The following DSE variants were observed in gnomAD, a reference collection of about 807,000 sequenced individuals.
DSE encodes dermatan sulfate epimerase, also known as dermatan-sulfate epimerase.
A neutral mutation model predicts 84.4 loss-of-function variants in DSE; 36 were observed. The ratio of observed to expected loss-of-function variants is 0.43; its 90% CI spans 0.33 to 0.56. The LOEUF (loss-of-function observed/expected upper bound fraction) is 0.56. Among genes scored for constraint, DSE ranks in the 20% least tolerant of loss-of-function variants. DSE has a pLI of 0.06. For synonymous variants in DSE, 410 were observed against 430.1 expected (o/e 0.95, Z 0.58); for missense variants, 862 against 1,169.6 (o/e 0.74, Z 3.84).
At chr6:116,396,943 A>G (rs1408955651) in intron 1 of DSE, among the ~76,000 whole-genome samples, 1 of 152,158 alleles carries the variant, frequency 6.6e-6, no homozygotes, top group Non-Finnish European at 1.5e-5. Context: ...GTTTCCATGT[A>G]TTAATGCCTT....
At chr6:116,324,613 T>C (rs1410313993) in intron 2 of DSE, among the ~76,000 whole-genome samples, 2 of 152,310 alleles carry the variant, frequency 1.3e-5, no homozygotes, top group East Asian at 1.9e-4. Flanking sequence ...CAGGGGTATA[T>C]GTAAAATACA....
intron 2 of DSE, among the ~76,000 whole-genome samples, chr6:116,296,062 A>G (rs950080880): frequency 6.6e-6 from 1 of 152,168 alleles, no homozygotes. Flanking sequence ...GACATTCTAC[A>G]TACTGGGGAT....
chr6:116,317,639 T>G (rs184841261), intron 2 of DSE, among the ~76,000 whole-genome samples: 1 of 152,230 alleles, frequency 6.6e-6, no homozygotes, highest in African/African-American at 2.4e-5. Context: ...CATGTATATG[T>G]ACATACAAAT....
intron 1 of DSE, chr6:116,254,972 C>A (rs1772086808): frequency 6.6e-6 from 1 of 152,188 alleles, no homozygotes; most frequent in African/African-American, 2.4e-5. Flanking sequence ...GTGCAGGCAT[C>A]TATGCTACTG....
chr6:116,350,253 A>G (rs1301707948), intron 2 of DSE, among the ~76,000 whole-genome samples: 1 of 152,202 alleles, frequency 6.6e-6, no homozygotes, highest in Non-Finnish European at 1.5e-5. Context: ...CCAAGATGGT[A>G]TGGTTGAGGA....
At chr6:116,305,022 A>G (rs1775259944) in intron 2 of DSE, among the ~76,000 whole-genome samples, 1 of 152,202 alleles carries the variant, frequency 6.6e-6, no homozygotes, top group Admixed American at 6.5e-5. Context: ...CTTAACATTC[A>G]AAATCAAAAC....
At chr6:116,373,468 T>C (rs1001439944) in intron 1 of DSE, among the ~76,000 whole-genome samples, 4 of 152,236 alleles carry the variant, frequency 2.6e-5, no homozygotes, top group African/African-American at 9.6e-5. Flanking sequence ...CTGTCCTTCC[T>C]GATCTTGGGG....
rs140252950 is a variant in DSE at position 116,260,224 on chromosome 6, T to C, written c.-54+1257T>C. Among the ~76,000 whole-genome samples the C allele has an allele frequency of 3.5e-3, 529 of 152,370 alleles. 2 individuals are homozygous for C. The highest frequency in any genetic ancestry group is 0.012 in the African/African-American group (501 of 41,590). The stretch of plus-strand genomic sequence containing the variant: ...CTCATTGTGGTTTTGTTTGCATTTC[T>C]CTAATAATCAGTGATGTTGAGCTTT... On this transcript the variant is annotated intron_variant, in intron 2 of 3. Coordinates refer to the DSE transcript ENST00000430252.
At chr6:116,328,264 T>G (rs1776742908) in intron 2 of DSE, among the ~76,000 whole-genome samples, 1 of 152,248 alleles carries the variant, frequency 6.6e-6, no homozygotes, top group Non-Finnish European at 1.5e-5. Flanking sequence ...TTTTTCCAGT[T>G]ATTTCACTTA....
chr6:116,363,654 T>C (rs933143679), intron 2 of DSE, among the ~76,000 whole-genome samples: 1 of 152,190 alleles, frequency 6.6e-6, no homozygotes, highest in African/African-American at 2.4e-5. Context: ...AGTTAGATAG[T>C]GATTTTACAT....
chr6:116,425,211 A>G (rs1766975589), intron 2 of DSE, among the ~76,000 whole-genome samples: 1 of 152,256 alleles, frequency 6.6e-6, no homozygotes, highest in Non-Finnish European at 1.5e-5. Context: ...ATTGATAATT[A>G]TATTTCAAAA....
intron 3 of DSE, among the ~76,000 whole-genome samples, chr6:116,427,047 G>A (rs1354353461): frequency 6.6e-6 from 1 of 152,088 alleles, no homozygotes; most frequent in Non-Finnish European, 1.5e-5. Flanking sequence ...ATCTAATTAT[G>A]GCTTATGATG....
intron 2 of DSE, among the ~76,000 whole-genome samples, chr6:116,421,623 C>T (rs556115262): frequency 6.2e-4 from 94 of 151,006 alleles, no homozygotes; most frequent in Non-Finnish European, 1.2e-3. Flanking sequence ...AGGTGCATGC[C>T]ACCAGGCCCA....
chr6:116,259,819 C>T (rs1317755757), intron 2 of DSE, among the ~76,000 whole-genome samples: 3 of 152,220 alleles, frequency 2.0e-5, no homozygotes, highest in Non-Finnish European at 4.4e-5. Flanking sequence ...AGGACATGAT[C>T]TCATTCTTTT....
At chr6:116,301,187 GAGAT>G (rs975960081) in intron 2 of DSE, among the ~76,000 whole-genome samples, 29 of 151,932 alleles carry the variant, frequency 1.9e-4, no homozygotes, top group Admixed American at 1.6e-3. Flanking sequence ...GAGAGAGAGA[GAGAT>G]CCAGAGAGCA....
chr6:116,327,546 G>T (rs947732253), intron 2 of DSE, among the ~76,000 whole-genome samples: 1 of 152,194 alleles, frequency 6.6e-6, no homozygotes, highest in African/African-American at 2.4e-5. Context: ...TTGGGCAAAT[G>T]ATATGCTGAA....
At chr6:116,331,509 G>A (rs757630302) in intron 2 of DSE, among the ~76,000 whole-genome samples, 2 of 152,070 alleles carry the variant, frequency 1.3e-5, no homozygotes, top group African/African-American at 4.8e-5. Flanking sequence ...CACCTCCCAC[G>A]AGGTAACCCC....
In DSE at chr6:116,431,116, G is replaced by A. The variant is rs1783808360; in HGVS notation, c.833G>A (p.Arg278Lys). ...TTCCAATACATGTTTCTCGTCCAGA[G>A]GCACTTCAACATCAACCACTTTGGC... ...SLFQYMFLVQ[R>K]HFNINHFGHP... Residue 278 changes from arginine to lysine, a missense_variant, in exon 4 of 6, where the codon AGG (arginine) becomes AAG (lysine). Arg to Lys is a conservative substitution (Grantham distance 26, BLOSUM62 2). Transcript: ENST00000644252. 13 of 1,614,192 alleles carry A rather than the reference G, an allele frequency of 8.1e-6. No homozygotes were observed. The highest frequency in any genetic ancestry group is 1.1e-5 in the Non-Finnish European group (13 of 1,180,030).
intron 1 of DSE, among the ~76,000 whole-genome samples, chr6:116,384,520 C>T (rs1425559654): frequency 2.0e-5 from 3 of 152,094 alleles, no homozygotes; most frequent in East Asian, 1.9e-4. Flanking sequence ...AGGCACTGGC[C>T]GTGATCACGG....
Sources: gnomAD v4.1 joint callset for allele counts (sites outside exome capture counted in the v4.1 genomes callset) on GRCh38, gnomAD v4.1.1 for gene constraint, MANE v1.5 for transcripts, NCBI Gene and HGNC (gene_info 2026-07-23, HGNC 2026-07-21) for gene names.